The following PBX1 variants were observed in gnomAD, a reference collection of about 807,000 sequenced individuals.
PBX1 encodes the protein PBX homeobox 1.
Under a neutral mutation model 53.4 loss-of-function variants are expected in PBX1, and 6 were observed. The ratio of observed to expected loss-of-function variants is 0.11; its 90% CI spans 0.06 to 0.22. The LOEUF is 0.22. PBX1 is among the 10% of genes least tolerant of loss of function. PBX1 has a pLI of 1.00. For missense variants in PBX1, 251 were observed against 551.4 expected (o/e 0.46, Z 5.46); for synonymous variants, 204 against 212.3 (o/e 0.96, Z 0.34).
At chr1:164,724,065 T>C (rs1031538025) in intron 2 of PBX1, among the ~76,000 whole-genome samples, 3 of 152,206 alleles carry the variant, frequency 2.0e-5, no homozygotes. Flanking sequence ...ATGACTTTCT[T>C]AGAAGTTCAA....
At chr1:164,749,936 C>A (rs1044422387) in intron 2 of PBX1, among the ~76,000 whole-genome samples, 4 of 151,958 alleles carry the variant, frequency 2.6e-5, no homozygotes, top group Non-Finnish European at 5.9e-5. Flanking sequence ...TGTGTCTCTA[C>A]AAAAATAAAG....
chr1:164,664,688 T>C (rs1660703394), intron 2 of PBX1, among the ~76,000 whole-genome samples: 1 of 152,228 alleles, frequency 6.6e-6, no homozygotes, highest in Admixed American at 6.5e-5. Flanking sequence ...AGAGGCTTAA[T>C]GACTTACAGT....
intron 2 of PBX1, among the ~76,000 whole-genome samples, chr1:164,662,757 C>G (rs1660558259): frequency 6.6e-6 from 1 of 152,144 alleles, no homozygotes; most frequent in African/African-American, 2.4e-5. Flanking sequence ...TTCGTTGTTA[C>G]AGTCACCGTC....
chr1:164,596,740 A>C (rs1655790092), intron 2 of PBX1, among the ~76,000 whole-genome samples: 1 of 152,206 alleles, frequency 6.6e-6, no homozygotes. Context: ...TAAAGTAGGG[A>C]TAATAGTGAC....
At chr1:164,808,710 G>C (rs1320834404) in intron 5 of PBX1, among the ~76,000 whole-genome samples, 4 of 152,156 alleles carry the variant, frequency 2.6e-5, no homozygotes, top group Non-Finnish European at 5.9e-5. Context: ...GTGTTTAGCT[G>C]TACAGAATTA....
Position 164,792,549 on chromosome 1 carries a change from G to T in PBX1, c.321G>T (p.Arg107=). ...EEEPTDPQLM[R]LDNMLLAEGV... ...AACCCACAGACCCCCAGCTGATGCG[G>T]CTGGACAACATGCTGTTAGCGGAAG... is the stretch of plus-strand genomic sequence containing the variant. The change falls in exon 3 of 9, where the codon CGG becomes CGT. Residue 107 remains arginine (R), a synonymous_variant. Coordinates refer to ENST00000420696, the MANE Select transcript of PBX1 (RefSeq NM_002585.4). 1 of 1,614,144 alleles carries T rather than the reference G, an allele frequency of 6.2e-7. No individual in the cohort carries two copies. The highest frequency in any genetic ancestry group is 8.5e-7 in the Non-Finnish European group (1 of 1,180,018).
At chr1:164,666,699 G>C (rs954032226) in intron 2 of PBX1, among the ~76,000 whole-genome samples, 3 of 152,180 alleles carry the variant, frequency 2.0e-5, no homozygotes, top group Non-Finnish European at 4.4e-5. Context: ...GATGAGGGAC[G>C]GGAAGGAGAG....
intron 2 of PBX1, among the ~76,000 whole-genome samples, chr1:164,662,980 G>A (rs1024556964): frequency 6.6e-6 from 1 of 152,112 alleles, no homozygotes; most frequent in African/African-American, 2.4e-5. Context: ...AAATACAAAT[G>A]TTTTGATGAT....
chr1:164,875,443 C>T (rs949308790), intron 2 of PBX1, among the ~76,000 whole-genome samples: 12 of 152,156 alleles, frequency 7.9e-5, no homozygotes, highest in African/African-American at 2.9e-4. Flanking sequence ...GCTGGGACTA[C>T]AGGCGTGTGC....
intron 8 of PBX1, among the ~76,000 whole-genome samples, chr1:164,844,336 T>C (rs558597383): frequency 6.6e-6 from 1 of 152,220 alleles, no homozygotes; most frequent in East Asian, 1.9e-4. Flanking sequence ...GTAGGACCCC[T>C]ACCTCCTGCC....
At chr1:164,634,936 TAGGTGACA>T (rs532462818) in intron 2 of PBX1, among the ~76,000 whole-genome samples, 45 of 152,136 alleles carry the variant, frequency 3.0e-4, no homozygotes, top group African/African-American at 1.1e-3. Flanking sequence ...CTTAGCATCA[TAGGTGACA>T]AGGGGCCATG....
intron 2 of PBX1, among the ~76,000 whole-genome samples, chr1:164,782,540 G>A (rs1667985496): frequency 6.6e-6 from 1 of 152,202 alleles, no homozygotes; most frequent in African/African-American, 2.4e-5. Flanking sequence ...AAGGTCAATA[G>A]CTCATTGTAT....
At chr1:164,670,646 C>T (rs1183254990) in intron 2 of PBX1, among the ~76,000 whole-genome samples, 1 of 151,984 alleles carries the variant, frequency 6.6e-6, no homozygotes, top group Non-Finnish European at 1.5e-5. Flanking sequence ...ACTGCCAAGA[C>T]TAAGAGAGAG....
chr1:164,881,463 G>A (rs1259121039), intron 2 of PBX1, among the ~76,000 whole-genome samples: 2 of 151,418 alleles, frequency 1.3e-5, no homozygotes, highest in Admixed American at 1.3e-4. Context: ...AAATAGAAAA[G>A]AGGAGAGAAC....
At chr1:164,788,097 G>A (rs1218449828) in intron 2 of PBX1, among the ~76,000 whole-genome samples, 1 of 152,066 alleles carries the variant, frequency 6.6e-6, no homozygotes, top group African/African-American at 2.4e-5. Flanking sequence ...GGGAGGGAGA[G>A]AGCGCAGGGC....
chr1:164,884,351 G>T (rs1426294745), intron 2 of PBX1, among the ~76,000 whole-genome samples: 3 of 152,196 alleles, frequency 2.0e-5, no homozygotes, highest in South Asian at 4.1e-4. Context: ...GAATCATCTA[G>T]GTCCAGGCCT....
chr1:164,765,118 A>C (rs1666999950), intron 2 of PBX1, among the ~76,000 whole-genome samples: 1 of 152,156 alleles, frequency 6.6e-6, no homozygotes. Context: ...CAGTTTACAG[A>C]CAGTGATTTA....
intron 2 of PBX1, among the ~76,000 whole-genome samples, chr1:164,649,798 C>T (rs1426801130): frequency 2.6e-5 from 4 of 152,174 alleles, no homozygotes; most frequent in Non-Finnish European, 5.9e-5. Context: ...GGACCTTGAT[C>T]CAGCCTTCAC....
At chr1:164,604,321 C>A (rs1656406247) in intron 2 of PBX1, among the ~76,000 whole-genome samples, 1 of 152,186 alleles carries the variant, frequency 6.6e-6, no homozygotes, top group Non-Finnish European at 1.5e-5. Flanking sequence ...TGTTCTTGAC[C>A]ACACTATGTT....
Sources: gnomAD v4.1 joint callset for allele counts (sites outside exome capture counted in the v4.1 genomes callset) on GRCh38, gnomAD v4.1.1 for gene constraint, MANE v1.5 for transcripts, NCBI Gene and HGNC (gene_info 2026-07-23, HGNC 2026-07-21) for gene names.